Variants in MAPK13 observed in about 807,000 individuals in gnomAD.
The protein encoded by MAPK13 is MAP kinase 13.
In MAPK13, 39 loss-of-function variants were observed where a neutral mutation model predicts 53.5. The observed-to-expected ratio is 0.73, with a 90% CI of 0.56 to 0.95. MAPK13 has a LOEUF of 0.95. MAPK13 is among the 40% of genes least tolerant of loss of function. The pLI is 0.00. For missense variants in MAPK13, 460 were observed against 471.8 expected (o/e 0.98, Z 0.23); for synonymous variants, 179 against 190.9 (o/e 0.94, Z 0.51).
At position 36,136,916 on chromosome 6, in the gene MAPK13, G is replaced by A. The variant is rs1451948949; in HGVS notation, c.648G>A (p.Met216Ile). The A allele has an allele frequency of 6.2e-7, 1 of 1,614,226 alleles. No homozygotes were observed. Among genetic ancestry groups the A allele is most frequent in the Non-Finnish European group, 8.5e-7 (1 of 1,180,038 alleles). ...IWSVGCIMAEMLTGKTLFKGK... is the reference protein window; with the variant it reads ...IWSVGCIMAEILTGKTLFKGK... ...CTGTGGGCTGTATCATGGCAGAGAT[G>A]CTGACAGGGAAAACTCTGTTCAAGG... The change falls in exon 8 of 12, where the codon ATG (methionine) becomes ATA (isoleucine). Residue 216 changes from methionine (M) to isoleucine (I), a missense_variant. Physicochemically the swap from Met to Ile is conservative, Grantham distance 10. Coordinates refer to ENST00000211287, the MANE Select transcript of MAPK13 (RefSeq NM_002754.5).
rs550028749 is a variant in MAPK13, at chr6:36,144,279, G to T, written c.*4906G>T. On this transcript the variant is annotated 3_prime_UTR_variant, in exon 12 of 12. Transcript: ENST00000211287. Reference sequence around the variant, plus strand: ...TTTAAAATGTATAACGTGATACTATGTGTATAGGTTTCTTTATTAACATAT... The same window carrying T: ...TTTAAAATGTATAACGTGATACTATTTGTATAGGTTTCTTTATTAACATAT... 3 of 152,342 alleles carry T rather than the reference G, an allele frequency of 2.0e-5. No homozygotes were observed. The highest frequency in any genetic ancestry group is 7.2e-5 in the African/African-American group (3 of 41,574). 9.4% of individuals were successfully genotyped at this position (152,342 alleles called of 1,614,324 possible). A position where few individuals can be genotyped will look rare whatever the true frequency, so the allele number is the denominator to read the frequency against.
intron 8 of MAPK13, 61 bp from the exon 9 acceptor site, chr6:36,138,304 G>A (rs1352046860): frequency 7.7e-6 from 10 of 1,297,040 alleles, no homozygotes; most frequent in East Asian, 2.3e-5. Context: ...TGGTGGGGTC[G>A]CAGGAAGGGC....
intron 11 of MAPK13, 77 bp from the exon 12 acceptor site, chr6:36,139,217 A>G: frequency 1.4e-6 from 2 of 1,478,432 alleles, no homozygotes; most frequent in Non-Finnish European, 1.9e-6. Flanking sequence ...TTCGCTCTCC[A>G]TGCTGTCTCT....
intron 9 of MAPK13, 93 bp downstream of exon 9, chr6:36,138,537 C>T (rs1283182185): frequency 3.7e-6 from 5 of 1,350,000 alleles, no homozygotes; most frequent in African/African-American, 1.4e-5. Flanking sequence ...GAAGGCTCAC[C>T]AGCACCTTCC....
intron 8 of MAPK13, 151 bp from the exon 9 acceptor site, chr6:36,138,214 A>G (rs372266241): frequency 2.0e-5 from 12 of 613,664 alleles, no homozygotes; most frequent in East Asian, 1.2e-4. Context: ...CTGAAGAATA[A>G]GCCTCCTCCT....
Position 36,138,234 on chromosome 6 carries a change from A to T in MAPK13, c.683-131A>T, listed in dbSNP as rs11752204. 2.9e-3 allele frequency: 1,980 copies of T among 672,612 alleles called. 3 individuals are homozygous for T. Among genetic ancestry groups the T allele is most frequent in the Non-Finnish European group, 4.3e-3 (1,582 of 369,714 alleles). 41.7% of individuals were successfully genotyped at this position (672,612 alleles called of 1,614,324 possible). On this transcript the variant is annotated intron_variant, in intron 8 of 11. Coordinates refer to ENST00000211287, the MANE Select transcript of MAPK13 (RefSeq NM_002754.5). ...GAATAAGCCTCCTCCTGAGAGCAGGAGGTGGTTAGGCAGGGCTGGAGCCTG... is the reference window on the plus strand; with the variant it reads ...GAATAAGCCTCCTCCTGAGAGCAGGTGGTGGTTAGGCAGGGCTGGAGCCTG...
chr6:36,130,672 C>G lies in MAPK13; in HGVS notation c.90C>G (p.His30Gln). 1 of 1,566,296 alleles carries G rather than the reference C, an allele frequency of 6.4e-7. No individual in the cohort carries two copies. The highest frequency in any genetic ancestry group is 8.6e-7 in the Non-Finnish European group (1 of 1,159,822). ...CCAAGACCTACGTGTCCCCGACGCA[C>G]GTCGGCAGCGGGGCCTATGGCTCCG... ...ELPKTYVSPT[H>Q]VGSGAYGSVC... The change falls in exon 1 of 12, where the codon CAC (histidine) becomes CAG (glutamine). Residue 30 changes from histidine (H) to glutamine (Q), a missense_variant. Physicochemically the swap from His to Gln is conservative, Grantham distance 24 (BLOSUM62 0). Coordinates refer to ENST00000211287, the MANE Select transcript of MAPK13 (RefSeq NM_002754.5). This position sits in a 1 kb window ranked among gnomAD's most constrained non-coding sequence, Gnocchi z 4.5.
Position 36,130,634 on chromosome 6 carries a change from G to C in MAPK13, c.52G>C (p.Ala18Pro), listed in dbSNP as rs1282354733. ...CTACAAGCAGGACGTCAACAAGACA[G>C]CCTGGGAGCTGCCCAAGACCTACGT... is the stretch of plus-strand genomic sequence containing the variant. ...GFYKQDVNKT[A>P]WELPKTYVSP... Residue 18 changes from alanine (A) to proline (P), a missense_variant, in exon 1 of 12, where the codon GCC becomes CCC. Coordinates refer to ENST00000211287, the MANE Select transcript of MAPK13 (RefSeq NM_002754.5). This position sits in a 1 kb window ranked among gnomAD's most constrained non-coding sequence, Gnocchi z 4.5. The C allele has an allele frequency of 6.3e-7, 1 of 1,586,692 alleles. No homozygotes were observed. The highest frequency in any genetic ancestry group is 1.4e-5 in the African/African-American group (1 of 71,000).
rs191268944 is a variant in MAPK13 at position 36,130,845 on chromosome 6, G to T, written c.119+144G>T. 1 of 522,168 alleles carries T rather than the reference G, an allele frequency of 1.9e-6. No homozygotes were observed. The highest frequency in any genetic ancestry group is 3.5e-5 in the East Asian group (1 of 28,258). The allele number at this position is 522,168 out of a possible 1,614,324, so 32.3% of individuals were successfully genotyped here. ...GCGCCCTCCCCGGGGCCACCCAGCG[G>T]CCATCTCCCTTTTCTCACCGAGTGG... On this transcript the variant is annotated intron_variant, in intron 1 of 11. Transcript: ENST00000211287. The surrounding 1 kb of genome is among the most constrained non-coding windows in gnomAD (Gnocchi z 4.5).
At chr6:36,132,165 CTCTG>C (rs1766335171) in intron 2 of MAPK13, among the ~76,000 whole-genome samples, 1 of 152,264 alleles carries the variant, frequency 6.6e-6, no homozygotes, top group Non-Finnish European at 1.5e-5. Flanking sequence ...TTGCCCTTGG[CTCTG>C]AACCAGCCCT....
At chr6:36,138,816 G>C in intron 10 of MAPK13, 36 bp downstream of exon 10, 1 of 1,613,904 alleles carries the variant, frequency 6.2e-7, no homozygotes, top group East Asian at 2.2e-5. Flanking sequence ...GGGCCTCTCA[G>C]CGTATCCCAG....
Position 36,130,777 on chromosome 6 carries a change from G to A in MAPK13, c.119+76G>A, listed in dbSNP as rs1766302488. On this transcript the variant is annotated intron_variant, in intron 1 of 11. Transcript: ENST00000211287. This position sits in a 1 kb window ranked among gnomAD's most constrained non-coding sequence, Gnocchi z 4.5. ...CTTTCCGCCCAGCCCGCCCTGGGCT[G>A]GCCCCTCGCCAGCGCCACCTTGACC... 1.8e-5 allele frequency: 14 copies of A among 796,352 alleles called. No homozygotes were observed. In the South Asian group the frequency reaches 2.6e-4, roughly 15 times the overall value. The allele number at this position is 796,352 out of a possible 1,614,324, so 49.3% of individuals were successfully genotyped here. A position where few individuals can be genotyped will look rare whatever the true frequency, so the allele number is the denominator to read the frequency against.
intron 8 of MAPK13, among the ~76,000 whole-genome samples, chr6:36,137,665 A>AAC (rs1554121950): frequency 4.3e-4 from 62 of 145,698 alleles, no homozygotes; most frequent in African/African-American, 1.2e-3. Context: ...AAAAAAAAAA[A>AAC]AAAACAAAAT....
chr6:36,131,277 C>T lies in MAPK13; in HGVS notation c.126C>T (p.Ala42=). 1 of 1,612,658 alleles carries T rather than the reference C, an allele frequency of 6.2e-7. No individual in the cohort carries two copies. The highest frequency in any genetic ancestry group is 1.1e-5 in the South Asian group (1 of 91,016). The change falls in exon 2 of 12, where the codon GCC becomes GCT. Residue 42 remains alanine (A), a synonymous_variant. Transcript: ENST00000211287. The stretch of plus-strand genomic sequence containing the variant: ...ACCGGCCTGTGCCCGACAGCTCGGC[C>T]ATCGACAAGCGGTCAGGGGAGAAGG... The part of the protein sequence containing the change: ...GSGAYGSVCS[A]IDKRSGEKVA...
intron 11 of MAPK13, 99 bp from the exon 12 acceptor site, chr6:36,139,195 C>G: frequency 6.9e-7 from 1 of 1,445,014 alleles, no homozygotes; most frequent in Non-Finnish European, 9.6e-7. Flanking sequence ...GCTTCTTTCT[C>G]CTTGAGCTGA....
chr6:36,136,441 A>G (rs1418795192), intron 5 of MAPK13, 43 bp from the exon 6 acceptor site: 2 of 1,523,710 alleles, frequency 1.3e-6, no homozygotes, highest in Admixed American at 4.2e-5. Context: ...GACAAGCTCC[A>G]TCTCTGCCTC....
chr6:36,137,877 T>G (rs1351533260), intron 8 of MAPK13, among the ~76,000 whole-genome samples: 5 of 141,708 alleles, frequency 3.5e-5, no homozygotes, highest in African/African-American at 1.3e-4. Flanking sequence ...GAAAATCGCT[T>G]GAACCCAGGA....
Position 36,131,262 on chromosome 6 carries a change from G to C in MAPK13, c.120-9G>C, listed in dbSNP as rs375502592. ...GAGCCTCGCCTGCTGACCGGCCTGT[G>C]CCCGACAGCTCGGCCATCGACAAGC... On this transcript the variant is annotated splice_polypyrimidine_tract_variant and intron_variant, in intron 1 of 11. Transcript: ENST00000211287. 12 of 1,610,786 alleles carry C rather than the reference G, an allele frequency of 7.4e-6. No individual in the cohort carries two copies. The highest frequency in any genetic ancestry group is 1.3e-5 in the African/African-American group (1 of 74,906).
intron 2 of MAPK13, 45 bp downstream of exon 2, chr6:36,131,445 G>T: frequency 6.3e-7 from 1 of 1,579,592 alleles, no homozygotes; most frequent in Non-Finnish European, 8.6e-7. Context: ...CTGCCCTGGG[G>T]AGTCAGGGGC....
Sources: allele counts gnomAD v4.1 joint callset (sites outside exome capture counted in the v4.1 genomes callset), GRCh38; gene constraint gnomAD v4.1.1; non-coding constraint Gnocchi (gnomAD v3.1); transcripts MANE v1.5; gene names NCBI Gene and HGNC (gene_info 2026-07-23, HGNC 2026-07-21).